The following ZC3H12B variants were observed in gnomAD, a reference collection of about 807,000 sequenced individuals.
The protein encoded by ZC3H12B is probable ribonuclease ZC3H12B.
In ZC3H12B, 7 loss-of-function variants were observed where a neutral mutation model predicts 43.9. The ratio of observed to expected loss-of-function variants is 0.16; its 90% CI spans 0.09 to 0.30. ZC3H12B has a LOEUF of 0.30. Among genes scored for constraint, ZC3H12B ranks in the 10% least tolerant of loss-of-function variants. The pLI is 1.00. For synonymous variants in ZC3H12B, 222 were observed against 241.7 expected (o/e 0.92, Z 0.76); for missense variants, 475 against 670.2 (o/e 0.71, Z 3.22).
chrX:65,375,278 G>A lies in ZC3H12B; in HGVS notation n.295+6280G>A, dbSNP rs756012010. ...ATTTAGACCAGCCCCAGCCAGAGGGGAATTATCCATCCCAGCAGTTGGAAT... is the reference window on the plus strand; with the variant it reads ...ATTTAGACCAGCCCCAGCCAGAGGGAAATTATCCATCCCAGCAGTTGGAAT... On this transcript the variant is annotated intron_variant and non_coding_transcript_variant, in intron 2 of 5. Transcript: ENST00000617377. Among the ~76,000 whole-genome samples, 5 of 112,060 alleles carry A rather than the reference G, an allele frequency of 4.5e-5. No individual in the cohort carries two copies. The South Asian group carries it at 1.5e-3, about 33-fold the overall frequency.
chrX:65,114,685 G>C, the ZC3H12B span, among the ~76,000 whole-genome samples: 1 of 110,184 alleles, frequency 9.1e-6, no homozygotes, highest in East Asian at 2.8e-4. Context: ...CAGAGAACCA[G>C]ATATTTGTTT....
At chrX:65,453,021 G>A (rs1047270739) in intron 3 of ZC3H12B, among the ~76,000 whole-genome samples, 2 of 110,094 alleles carry the variant, frequency 1.8e-5, no homozygotes, top group African/African-American at 3.3e-5. Flanking sequence ...AGATGGAACC[G>A]AAAAAGAGCC....
At chrX:65,424,197 T>G (rs747269106) in intron 3 of ZC3H12B, among the ~76,000 whole-genome samples, 9 of 112,149 alleles carry the variant, frequency 8.0e-5, no homozygotes, top group Admixed American at 1.9e-4. Context: ...TGGTTTTGAT[T>G]TGCATTTCTC....
the ZC3H12B span, among the ~76,000 whole-genome samples, chrX:65,128,207 G>A: frequency 8.9e-6 from 1 of 112,358 alleles, no homozygotes; most frequent in African/African-American, 3.2e-5. Flanking sequence ...CAGGCATGCA[G>A]TGTGTAATAA....
chrX:65,187,021 G>T, the ZC3H12B span: 1 of 111,763 alleles, frequency 8.9e-6, no homozygotes, highest in South Asian at 3.7e-4. Flanking sequence ...TTCGTATAAT[G>T]CCTTCTTTTT....
the ZC3H12B span, among the ~76,000 whole-genome samples, chrX:65,044,119 CAAGAT>C: frequency 7.2e-5 from 8 of 111,448 alleles, no homozygotes; most frequent in Non-Finnish European, 9.4e-5. Flanking sequence ...GCTGATAAAA[CAAGAT>C]AAGGGAATAA....
At chrX:65,383,382 G>A in intron 2 of ZC3H12B, among the ~76,000 whole-genome samples, 1 of 111,814 alleles carries the variant, frequency 8.9e-6, no homozygotes, top group Non-Finnish European at 1.9e-5. Context: ...AATGGTGCTG[G>A]GAAAACTGGC....
the ZC3H12B span, among the ~76,000 whole-genome samples, chrX:65,043,014 A>G: frequency 8.9e-6 from 1 of 111,761 alleles, no homozygotes; most frequent in Non-Finnish European, 1.9e-5. Context: ...TACATATTCT[A>G]AATTCAGGCA....
chrX:65,337,702 G>C, the ZC3H12B span, among the ~76,000 whole-genome samples: 2 of 112,369 alleles, frequency 1.8e-5, no homozygotes, highest in Non-Finnish European at 3.8e-5. Context: ...TAATTCTCCA[G>C]TACAAAAGTG....
chrX:65,320,272 C>A, the ZC3H12B span, among the ~76,000 whole-genome samples: 3 of 111,154 alleles, frequency 2.7e-5, no homozygotes, highest in African/African-American at 6.6e-5. Context: ...AGCCAAGAAC[C>A]AAATCAACAC....
chrX:65,403,673 T>C (rs2066789914), intron 3 of ZC3H12B, among the ~76,000 whole-genome samples: 1 of 111,445 alleles, frequency 9.0e-6, no homozygotes, highest in Non-Finnish European at 1.9e-5. Context: ...CATGACATAT[T>C]TAAAGTGTTG....
chrX:65,062,592 A>G, the ZC3H12B span, among the ~76,000 whole-genome samples: 3 of 111,776 alleles, frequency 2.7e-5, no homozygotes, highest in African/African-American at 6.5e-5. Context: ...GTCAAGTAGT[A>G]TGATACCTCC....
At chrX:65,103,310 A>T in the ZC3H12B span, among the ~76,000 whole-genome samples, 1 of 111,883 alleles carries the variant, frequency 8.9e-6, no homozygotes. Context: ...GTAAGAAGAG[A>T]AATATGGCTC....
At chrX:65,229,155 A>T in the ZC3H12B span, among the ~76,000 whole-genome samples, 1 of 110,971 alleles carries the variant, frequency 9.0e-6, no homozygotes, top group African/African-American at 3.3e-5. Context: ...TACAGTAACC[A>T]AAACAGCATG....
At chrX:65,204,862 G>C in the ZC3H12B span, among the ~76,000 whole-genome samples, 19 of 111,976 alleles carry the variant, frequency 1.7e-4, no homozygotes, top group Middle Eastern at 4.7e-3. Flanking sequence ...CTGTCAGTAA[G>C]CTGTTATCTG....
chrX:65,462,371 G>A (rs1250952586), intron 3 of ZC3H12B, among the ~76,000 whole-genome samples: 1 of 110,767 alleles, frequency 9.0e-6, no homozygotes, highest in Non-Finnish European at 1.9e-5. Flanking sequence ...ACTTAGCCGG[G>A]CGTAGCGACA....
At chrX:65,173,926 G>A in the ZC3H12B span, among the ~76,000 whole-genome samples, 4 of 111,271 alleles carry the variant, frequency 3.6e-5, no homozygotes, top group South Asian at 1.1e-3. Flanking sequence ...GGGTTCTTAT[G>A]TGGGGGTCCT....
chrX:65,357,321 G>C, the ZC3H12B span: 39 of 263,132 alleles, frequency 1.5e-4, no homozygotes, highest in Non-Finnish European at 2.3e-4. Context: ...GAAACTCTTC[G>C]GGATTTTGGG....
the ZC3H12B span, among the ~76,000 whole-genome samples, chrX:65,113,036 C>T: frequency 1.8e-5 from 2 of 111,469 alleles, no homozygotes; most frequent in Admixed American, 1.9e-4. Flanking sequence ...GTCAAAATAT[C>T]AACATTAACA....
Sources: gnomAD v4.1 joint callset for allele counts (sites outside exome capture counted in the v4.1 genomes callset) on GRCh38, gnomAD v4.1.1 for gene constraint, MANE v1.5 for transcripts, NCBI Gene and HGNC (gene_info 2026-07-23, HGNC 2026-07-21) for gene names.